The following TENM4 variants were observed in gnomAD, a reference collection of about 807,000 sequenced individuals.
The protein encoded by TENM4 is teneurin-4.
In TENM4, 82 loss-of-function variants were observed where a neutral mutation model predicts 243.3. The observed-to-expected ratio is 0.34, with a 90% CI of 0.28 to 0.40. The LOEUF is 0.40. Among genes scored for constraint, TENM4 ranks in the 10% least tolerant of loss-of-function variants. TENM4 has a pLI of 1.00. For synonymous variants in TENM4, 1,412 were observed against 1,456.3 expected (o/e 0.97, Z 0.69); for missense variants, 3,138 against 3,673.3 (o/e 0.85, Z 3.77).
At chr11:79,242,102 T>C (rs1165473152) in intron 2 of TENM4, among the ~76,000 whole-genome samples, 1 of 152,150 alleles carries the variant, frequency 6.6e-6, no homozygotes, top group Non-Finnish European at 1.5e-5. Context: ...CCCTGAAAAA[T>C]GATAAGCTGG....
chr11:79,139,720 A>AAATATATATAATATTTATATAAATATAT lies in TENM4; in HGVS notation c.-66+8989_-66+8990insATATATTTATATAAATATTATATATATT, dbSNP rs1862233487. ...TATATAATATTTATATAAGTATATA[A>AAATATATATAATATTTATATAAATATAT]AATATATATTATATTTATATAAATA... On this transcript the variant is annotated intron_variant, in intron 4 of 33. Transcript: ENST00000278550. 1.3e-4 allele frequency among the ~76,000 whole-genome samples: 6 copies of AAATATATATAATATTTATATAAATATAT among 46,726 alleles called. 1 individual carries two copies. The South Asian group carries it at 1.7e-3, about 14-fold the overall frequency. 30.7% of individuals were successfully genotyped at this position (46,726 alleles called of 152,430 possible). A position where few individuals can be genotyped will look rare whatever the true frequency, so the allele number is the denominator to read the frequency against.
chr11:78,741,444 C>T (rs915487692), intron 19 of TENM4, among the ~76,000 whole-genome samples: 2 of 152,162 alleles, frequency 1.3e-5, no homozygotes, highest in African/African-American at 4.8e-5. Context: ...GGAAGAGACA[C>T]ACAGGAGGAT....
intron 19 of TENM4, among the ~76,000 whole-genome samples, chr11:78,746,163 G>A (rs992704101): frequency 6.6e-6 from 1 of 152,184 alleles, no homozygotes; most frequent in Non-Finnish European, 1.5e-5. Context: ...GGTCTTCTGA[G>A]TGACTGAGTC....
chr11:79,223,778 C>G (rs937490054), intron 2 of TENM4, among the ~76,000 whole-genome samples: 4 of 152,164 alleles, frequency 2.6e-5, no homozygotes, highest in Non-Finnish European at 5.9e-5. Context: ...TGGGCAGCAC[C>G]CCATCATATT....
intron 6 of TENM4, among the ~76,000 whole-genome samples, chr11:79,024,256 C>T (rs554894965): frequency 1.3e-5 from 2 of 152,302 alleles, no homozygotes; most frequent in Non-Finnish European, 2.9e-5. Context: ...AGGATCTTTA[C>T]CTAGAATGAA....
chr11:79,227,227 T>C (rs1174884478), intron 2 of TENM4, among the ~76,000 whole-genome samples: 1 of 152,224 alleles, frequency 6.6e-6, no homozygotes, highest in African/African-American at 2.4e-5. Flanking sequence ...TCCCAGCTTC[T>C]GGGATCTGGA....
rs7941852 is a variant in TENM4, at chr11:78,963,414, A to T, written c.494-59891T>A. On this transcript the variant is annotated intron_variant, in intron 6 of 33. Coordinates refer to ENST00000278550, the MANE Select transcript of TENM4 (RefSeq NM_001098816.3). ...TCTATAAGAGAGCTAACATAAGCAC[A>T]GACATATAAAAGTATACAGTACAAG... Among the ~76,000 whole-genome samples, 358 of 152,368 alleles carry T rather than the reference A, an allele frequency of 2.3e-3. 1 individual carries two copies. The highest frequency in any genetic ancestry group is 8.3e-3 in the African/African-American group (344 of 41,582).
In TENM4 at chr11:78,980,605, G is replaced by A. The variant is rs550127000; in HGVS notation, c.494-77082C>T. Among the ~76,000 whole-genome samples the A allele has an allele frequency of 7.9e-5, 12 of 152,340 alleles. No individual in the cohort carries two copies. The East Asian group carries it at 1.5e-3, about 20-fold the overall frequency. ...TAATATCAACAATAGTAACAGTAGC[G>A]AAGTCTGGCTTAGCAGGGTGGTCAG... is the stretch of plus-strand genomic sequence containing the variant. On this transcript the variant is annotated intron_variant, in intron 6 of 33. Transcript: ENST00000278550.
At position 79,309,530 on chromosome 11, in the gene TENM4, A is replaced by T. The variant is rs1590869312; in HGVS notation, c.-320-11987T>A. Among the ~76,000 whole-genome samples, 3 of 152,334 alleles carry T rather than the reference A, an allele frequency of 2.0e-5. No homozygotes were observed. The South Asian group carries it at 6.2e-4, about 32-fold the overall frequency. On this transcript the variant is annotated intron_variant, in intron 1 of 33. Coordinates refer to ENST00000278550, the MANE Select transcript of TENM4 (RefSeq NM_001098816.3). The stretch of plus-strand genomic sequence containing the variant: ...AATAACCCTGGATCGTGCTCATAGC[A>T]CATCAAGGTAAACAGAGACATTCCC...
Position 78,738,470 on chromosome 11 carries a change from T to C in TENM4, c.2857A>G (p.Ile953Val). 3 of 1,613,832 alleles carry C rather than the reference T, an allele frequency of 1.9e-6. No homozygotes were observed. Among genetic ancestry groups the C allele is most frequent in the Non-Finnish European group, 2.5e-6 (3 of 1,179,812 alleles). The change falls in exon 20 of 34, where the codon ATC (isoleucine) becomes GTC (valine). Residue 953 changes from isoleucine (I) to valine (V), a missense_variant. Transcript: ENST00000278550. ...TCCTACCTGCCATCTTGCCTGCTGA[T>C]TGTATATCCAAAGAGAGGGTTATTG... ...FVNNPLFGYT[I>V]SRQDGSFDLV...
chr11:78,703,662 C>G, intron 27 of TENM4, among the ~76,000 whole-genome samples: 1 of 151,992 alleles, frequency 6.6e-6, no homozygotes, highest in Non-Finnish European at 1.5e-5. Flanking sequence ...CCTTTGCCAC[C>G]TGTGTCTCTA....
At chr11:78,923,068 C>T (rs578102659) in intron 6 of TENM4, among the ~76,000 whole-genome samples, 1 of 152,224 alleles carries the variant, frequency 6.6e-6, no homozygotes, top group South Asian at 2.1e-4. Context: ...GTGGTTGGTT[C>T]TTGCTATCAA....
chr11:79,372,797 C>T (rs1857813159), intron 1 of TENM4, among the ~76,000 whole-genome samples: 1 of 152,022 alleles, frequency 6.6e-6, no homozygotes, highest in South Asian at 2.1e-4. Flanking sequence ...TTACTCTCCT[C>T]CTTCTTTCAA....
At chr11:78,879,658 C>A (rs1859376320) in intron 9 of TENM4, among the ~76,000 whole-genome samples, 2 of 142,958 alleles carry the variant, frequency 1.4e-5, no homozygotes, top group Non-Finnish European at 3.1e-5. Flanking sequence ...CCGGCCGCCA[C>A]ACCGTCTGGG....
chr11:78,868,203 T>G (rs992207086), intron 9 of TENM4, among the ~76,000 whole-genome samples: 6 of 152,096 alleles, frequency 3.9e-5, no homozygotes, highest in Non-Finnish European at 7.4e-5. Context: ...GAACGGTAAC[T>G]ACTCATCATC....
Position 79,090,416 on chromosome 11 carries a change from C to T in TENM4, c.-65-20407G>A, listed in dbSNP as rs17137687. 5.7e-4 allele frequency among the ~76,000 whole-genome samples: 87 copies of T among 152,290 alleles called. 1 individual carries two copies. Among genetic ancestry groups the T allele is most frequent in the Admixed American group, 7.8e-4 (12 of 15,308 alleles). Reference sequence around the variant, plus strand: ...TGCTTAAATGCAACATGCAGACACCCGTGCAGAAGAAAGGCAGGTGGCGAG... The same window carrying T: ...TGCTTAAATGCAACATGCAGACACCTGTGCAGAAGAAAGGCAGGTGGCGAG... On this transcript the variant is annotated intron_variant, in intron 4 of 33. Coordinates refer to ENST00000278550, the MANE Select transcript of TENM4 (RefSeq NM_001098816.3).
At chr11:79,061,599 G>A (rs1418437062) in intron 6 of TENM4, among the ~76,000 whole-genome samples, 1 of 152,118 alleles carries the variant, frequency 6.6e-6, no homozygotes, top group African/African-American at 2.4e-5. Context: ...CAGCTCTCAG[G>A]GAATATACAA....
intron 1 of TENM4, among the ~76,000 whole-genome samples, chr11:79,306,023 G>C (rs558076422): frequency 1.4e-4 from 22 of 152,166 alleles, no homozygotes; most frequent in Non-Finnish European, 3.1e-4. Context: ...CTGGCGCAGG[G>C]GCTCCTCTGC....
intron 2 of TENM4, among the ~76,000 whole-genome samples, chr11:79,264,240 C>T (rs1855845189): frequency 6.6e-6 from 1 of 152,134 alleles, no homozygotes; most frequent in Non-Finnish European, 1.5e-5. Context: ...CCCAAGCTAC[C>T]CGGGCTCAAC....
Sources: allele counts gnomAD v4.1 joint callset (sites outside exome capture counted in the v4.1 genomes callset), GRCh38; gene constraint gnomAD v4.1.1; transcripts MANE v1.5; gene names NCBI Gene and HGNC (gene_info 2026-07-23, HGNC 2026-07-21).